BARD1: variants seen among roughly 807,000 people sequenced by gnomAD.
BARD1 encodes BRCA1-associated RING domain protein 1.
Under a neutral mutation model 77.0 loss-of-function variants are expected in BARD1, and 73 were observed. The observed-to-expected ratio is 0.95, with a 90% CI of 0.79 to 1.15. BARD1 has a LOEUF of 1.15. Among genes scored for constraint, BARD1 ranks in the 50% most tolerant of loss-of-function variants. BARD1 has a pLI of 0.00. For synonymous variants in BARD1, 384 were observed against 338.0 expected (o/e 1.14, Z -1.49); for missense variants, 993 against 938.8 (o/e 1.06, Z -0.75).
intron 5 of BARD1, 51 bp from the exon 6 acceptor site, chr2:214,767,705 T>C: frequency 6.6e-7 from 1 of 1,506,212 alleles, no homozygotes; most frequent in African/African-American, 1.4e-5. Flanking sequence ...GAAAGAGCAA[T>C]GGATGATATT....
In BARD1 at chr2:214,726,447, A is replaced by T. The variant is rs151250016; in HGVS notation, c.*2229T>A. 4.7e-6 allele frequency: 1 copy of T among 211,942 alleles called. No homozygotes were observed. Among genetic ancestry groups the T allele is most frequent in the East Asian group, 7.2e-5 (1 of 13,872 alleles). The allele number at this position is 211,942 out of a possible 1,614,324, so 13.1% of individuals were successfully genotyped here. A position where few individuals can be genotyped will look rare whatever the true frequency, so the allele number is the denominator to read the frequency against. On this transcript the variant is annotated 3_prime_UTR_variant, in exon 11 of 11. Coordinates refer to ENST00000260947, the MANE Select transcript of BARD1 (RefSeq NM_000465.4). ...TTCCAAACTATCAAAGTTATACTGT[A>T]TTCGGAATAATCTAAGGTAATAAAG...
In BARD1 at chr2:214,732,022, C is replaced by T. The variant is rs2105993644; in HGVS notation, c.1904-1514G>A. ...ATCAAACTGTTACATCCTGTTATCA[C>T]TTGATATCTAATGGCTTAAAATGAT... is the stretch of plus-strand genomic sequence containing the variant. On this transcript the variant is annotated intron_variant, in intron 9 of 10. Coordinates refer to ENST00000260947, the MANE Select transcript of BARD1 (RefSeq NM_000465.4). Among the ~76,000 whole-genome samples the T allele has an allele frequency of 2.0e-5, 3 of 152,310 alleles. No individual in the cohort carries two copies. The South Asian group carries it at 6.2e-4, about 32-fold the overall frequency.
intron 1 of BARD1, among the ~76,000 whole-genome samples, chr2:214,801,445 GTTATT>G (rs1254786581): frequency 1.3e-5 from 2 of 152,002 alleles, no homozygotes. Context: ...CATATACTGT[GTTATT>G]TTAATTCTTT....
intron 4 of BARD1, among the ~76,000 whole-genome samples, chr2:214,774,394 C>T (rs2106094055): frequency 6.6e-6 from 1 of 152,308 alleles, no homozygotes; most frequent in African/African-American, 2.4e-5. Flanking sequence ...AAAGTTACTC[C>T]TTGATCCATG....
Position 214,728,829 on chromosome 2 carries a change from A to C in BARD1, c.2181T>G (p.Asp727Glu), listed in dbSNP as rs876660554. 1 of 1,614,112 alleles carries C rather than the reference A, an allele frequency of 6.2e-7. No individual in the cohort carries two copies. The highest frequency in any genetic ancestry group is 1.3e-5 in the African/African-American group (1 of 74,944). Residue 727 changes from aspartate (D) to glutamate (E), a missense_variant, in exon 11 of 11, where the codon GAT becomes GAG. Physicochemically the swap from Asp to Glu is conservative, Grantham distance 45 (BLOSUM62 2). Coordinates refer to ENST00000260947, the MANE Select transcript of BARD1 (RefSeq NM_000465.4). ...ACTGTGTGCAGAAGCGCTGATCAGA[A>C]TCGGGTCTCGCATGGTATGCGACTG... ...INTVAYHARPDSDQRFCTQYI... is the reference protein window; with the variant it reads ...INTVAYHARPESDQRFCTQYI...
At chr2:214,808,487 C>CA (rs1473713114) in intron 1 of BARD1, among the ~76,000 whole-genome samples, 1 of 70,936 alleles carries the variant, frequency 1.4e-5, no homozygotes, top group Non-Finnish European at 3.0e-5. Context: ...AGTTAGAAAT[C>CA]AAAGGGGAAA....
In BARD1 at chr2:214,767,474, C is replaced by G; in HGVS notation, c.1568+8G>C. On this transcript the variant is annotated splice_region_variant and intron_variant, in intron 6 of 10. Coordinates refer to ENST00000260947, the MANE Select transcript of BARD1 (RefSeq NM_000465.4). Reference sequence around the variant, plus strand: ...TTTTAAAAATAATTTTTACGTTGAACTACTTACACAGCATTTCTGGAGGCT... The same window carrying G: ...TTTTAAAAATAATTTTTACGTTGAAGTACTTACACAGCATTTCTGGAGGCT... 1 of 1,612,042 alleles carries G rather than the reference C, an allele frequency of 6.2e-7. No individual in the cohort carries two copies.
chr2:214,781,148 G>A lies in BARD1; in HGVS notation c.726C>T (p.Phe242=), dbSNP rs876659277. 3 of 1,576,028 alleles carry A rather than the reference G, an allele frequency of 1.9e-6. No homozygotes were observed. Among genetic ancestry groups the A allele is most frequent in the African/African-American group, 2.7e-5 (2 of 72,930 alleles). ...TGGAGATAACAGATGGTTGGCTACAGAAGGATACCAGCTTTTGCTTAGATT... is the reference window on the plus strand; with the variant it reads ...TGGAGATAACAGATGGTTGGCTACAAAAGGATACCAGCTTTTGCTTAGATT... ...KEESKQKLVS[F]CSQPSVISSP... The change falls in exon 4 of 11, where the codon TTC becomes TTT. Residue 242 remains phenylalanine, a synonymous_variant. Transcript: ENST00000260947.
In BARD1 at chr2:214,769,480, G is replaced by A. The variant is rs147670282; in HGVS notation, c.1315-168C>T. Among the ~76,000 whole-genome samples, 1,772 of 152,280 alleles carry A rather than the reference G, an allele frequency of 0.012. 16 individuals are homozygous for A. The highest frequency in any genetic ancestry group is 0.031 in the Middle Eastern group (9 of 294). On this transcript the variant is annotated intron_variant, in intron 4 of 10. Coordinates refer to ENST00000260947, the MANE Select transcript of BARD1 (RefSeq NM_000465.4). Reference sequence around the variant, plus strand: ...TATTAGGCCGGGTGTGGTGGCTCACGCCTGTAATCCCAACACTTTGAGAGG... The same window carrying A: ...TATTAGGCCGGGTGTGGTGGCTCACACCTGTAATCCCAACACTTTGAGAGG...
chr2:214,800,920 G>T (rs912906557), intron 1 of BARD1, among the ~76,000 whole-genome samples: 2 of 151,924 alleles, frequency 1.3e-5, no homozygotes, highest in African/African-American at 4.8e-5. Flanking sequence ...GTTAACAGTA[G>T]TAAGAAAATT....
chr2:214,771,622 G>T (rs1217099235), intron 4 of BARD1, among the ~76,000 whole-genome samples: 3 of 151,772 alleles, frequency 2.0e-5, no homozygotes, highest in African/African-American at 7.3e-5. Context: ...TAGCTACTCA[G>T]GAGGCTGAGA....
chr2:214,760,913 T>TA (rs1693929071), intron 6 of BARD1, among the ~76,000 whole-genome samples: 1 of 151,598 alleles, frequency 6.6e-6, no homozygotes, highest in Admixed American at 6.6e-5. Flanking sequence ...TAGCTGGGAC[T>TA]ACAGGCGCCC....
intron 6 of BARD1, among the ~76,000 whole-genome samples, chr2:214,757,420 A>G (rs1013450502): frequency 2.0e-5 from 3 of 152,154 alleles, no homozygotes; most frequent in Admixed American, 2.0e-4. Context: ...TCTTGAACAG[A>G]CAATCCAGGT....
Position 214,769,288 on chromosome 2 carries a change from G to T in BARD1, c.1339C>A (p.Leu447Ile), listed in dbSNP as rs376727038. 1 of 1,613,400 alleles carries T rather than the reference G, an allele frequency of 6.2e-7. No homozygotes were observed. Among genetic ancestry groups the T allele is most frequent in the Non-Finnish European group, 8.5e-7 (1 of 1,179,550 alleles). The change falls in exon 5 of 11, where the codon CTT (leucine) becomes ATT (isoleucine). Residue 447 changes from leucine to isoleucine, a missense_variant. Physicochemically the swap from Leu to Ile is conservative, Grantham distance 5. Coordinates refer to ENST00000260947, the MANE Select transcript of BARD1 (RefSeq NM_000465.4). ...IKGDIPSVEY[L>I]LQNGSDPNVK... is the part of the protein sequence containing the mutation. ...TTTGGATCACTTCCATTTTGTAAAA[G>T]GTATTCAACAGAAGGTATGTCGCCC...
chr2:214,774,725 G>C (rs1694663810), intron 4 of BARD1, among the ~76,000 whole-genome samples: 1 of 152,188 alleles, frequency 6.6e-6, no homozygotes, highest in African/African-American at 2.4e-5. Flanking sequence ...GAAAGACACA[G>C]ATGGCATATT....
intron 7 of BARD1, among the ~76,000 whole-genome samples, chr2:214,748,459 G>T (rs1382791424): frequency 1.3e-5 from 2 of 151,884 alleles, no homozygotes; most frequent in Non-Finnish European, 2.9e-5. Context: ...ATTAAATAGG[G>T]TACTTTTTCT....
intron 4 of BARD1, among the ~76,000 whole-genome samples, chr2:214,779,928 T>A (rs140186917): frequency 6.6e-6 from 1 of 152,334 alleles, no homozygotes; most frequent in Non-Finnish European, 1.5e-5. Flanking sequence ...GATTAACCAC[T>A]GCCAAGTGTT....
At chr2:214,750,775 A>G (rs1349393093) in intron 7 of BARD1, among the ~76,000 whole-genome samples, 4 of 152,092 alleles carry the variant, frequency 2.6e-5, no homozygotes, top group Non-Finnish European at 5.9e-5. Flanking sequence ...CCACTGTCAT[A>G]TCTAGAATTG....
At chr2:214,778,249 A>C (rs1559420706) in intron 4 of BARD1, among the ~76,000 whole-genome samples, 1 of 145,490 alleles carries the variant, frequency 6.9e-6, no homozygotes, top group Non-Finnish European at 1.5e-5. Context: ...ATATTTATAT[A>C]AGCAAATCTG....
Sources: allele counts gnomAD v4.1 joint callset (sites outside exome capture counted in the v4.1 genomes callset), GRCh38; gene constraint gnomAD v4.1.1; transcripts MANE v1.5; gene names NCBI Gene and HGNC (gene_info 2026-07-23, HGNC 2026-07-21).